Variants in PDE1C observed in about 807,000 individuals in gnomAD.
PDE1C encodes the protein dual specificity calcium/calmodulin-dependent 3',5'-cyclic nucleotide phosphodiesterase 1C.
Under a neutral mutation model 93.1 loss-of-function variants are expected in PDE1C, and 62 were observed. The observed-to-expected ratio is 0.67, with a 90% CI of 0.54 to 0.82. The LOEUF (loss-of-function observed/expected upper bound fraction) is 0.82, where lower values mean the gene tolerates loss of function less well. Among genes scored for constraint, PDE1C ranks in the 40% least tolerant of loss-of-function variants. The pLI is 0.00. For missense variants in PDE1C, 742 were observed against 884.6 expected, an observed-to-expected ratio of 0.84 and a Z score of 2.04; for synonymous variants, 325 against 310.1, an observed-to-expected ratio of 1.05 and a Z score of -0.50.
chr7:31,619,563 G>A, the PDE1C span, among the ~76,000 whole-genome samples: 10 of 151,698 alleles, frequency 6.6e-5, no homozygotes, highest in Non-Finnish European at 8.8e-5. Context: ...TCTATGCTGA[G>A]GAAATCAATG....
chr7:32,413,197 C>A (rs1470533757), intron 1 of PDE1C, among the ~76,000 whole-genome samples: 1 of 152,032 alleles, frequency 6.6e-6, no homozygotes, highest in Non-Finnish European at 1.5e-5. Flanking sequence ...ATGACACCTG[C>A]AACTTAATTT....
At chr7:32,226,569 C>G (rs897780638) in intron 1 of PDE1C, among the ~76,000 whole-genome samples, 1 of 152,094 alleles carries the variant, frequency 6.6e-6, no homozygotes, top group African/African-American at 2.4e-5. Context: ...GAGGGGGGCC[C>G]CTGATGAGGG....
chr7:31,648,340 GAAGAAA>G, the PDE1C span, among the ~76,000 whole-genome samples: 1 of 152,034 alleles, frequency 6.6e-6, no homozygotes, highest in African/African-American at 2.4e-5. Context: ...AAAAGAAGAA[GAAGAAA>G]AAGAAGAAAT....
intron 17 of PDE1C, among the ~76,000 whole-genome samples, chr7:31,768,149 A>G (rs1795255467): frequency 6.6e-6 from 1 of 152,200 alleles, no homozygotes; most frequent in Admixed American, 6.5e-5. Flanking sequence ...TGGTCCTAAG[A>G]CTAACCTTTG....
chr7:31,685,881 T>C, the PDE1C span, among the ~76,000 whole-genome samples: 2 of 152,114 alleles, frequency 1.3e-5, no homozygotes, highest in Non-Finnish European at 2.9e-5. Flanking sequence ...CAACACAAAA[T>C]GGAACAGGCA....
chr7:31,758,753 C>T (rs1182761643), intron 17 of PDE1C, among the ~76,000 whole-genome samples: 1 of 152,078 alleles, frequency 6.6e-6, no homozygotes, highest in Non-Finnish European at 1.5e-5. Context: ...GAAATTATGG[C>T]ATCAAATTGC....
intron 17 of PDE1C, among the ~76,000 whole-genome samples, chr7:31,760,660 A>C (rs1583959658): frequency 6.6e-6 from 1 of 152,078 alleles, no homozygotes; most frequent in Non-Finnish European, 1.5e-5. Flanking sequence ...AAACAAAAAT[A>C]AGTGTTGGAT....
upstream of PDE1C, among the ~76,000 whole-genome samples, chr7:32,299,886 G>A (rs1308248955): frequency 1.3e-5 from 2 of 152,124 alleles, no homozygotes; most frequent in Admixed American, 6.5e-5. Flanking sequence ...AAGAGTCCAC[G>A]GTATAACAAT....
intron 5 of PDE1C, among the ~76,000 whole-genome samples, chr7:31,874,179 T>A (rs1796269800): frequency 6.6e-6 from 1 of 152,228 alleles, no homozygotes; most frequent in South Asian, 2.1e-4. Context: ...AAAACTAAAC[T>A]GAACACACAC....
chr7:31,712,408 C>T, the PDE1C span, among the ~76,000 whole-genome samples: 378 of 152,340 alleles, frequency 2.5e-3, 1 homozygote, highest in Non-Finnish European at 4.6e-3. Context: ...ACTAGATAGT[C>T]GCTATGGAGC....
the PDE1C span, chr7:31,643,364 C>T: frequency 1.2e-6 from 2 of 1,613,994 alleles, no homozygotes; most frequent in Non-Finnish European, 1.7e-6. Context: ...AAGCTCATTC[C>T]CCACCTCCAT....
Position 32,298,856 on chromosome 7 carries a change from ACT to A in PDE1C, c.-123_-122del, listed in dbSNP as rs1299599052. 9 of 1,392,632 alleles carry A rather than the reference ACT, an allele frequency of 6.5e-6. No individual in the cohort carries two copies. The African/African-American group carries it at 1.4e-4, about 21-fold the overall frequency. 86.3% of individuals were successfully genotyped at this position (1,392,632 alleles called of 1,614,324 possible). A position where few individuals can be genotyped will look rare whatever the true frequency, so the allele number is the denominator to read the frequency against. On this transcript the variant is annotated 5_prime_UTR_variant, in exon 1 of 19. Coordinates refer to the PDE1C transcript ENST00000396193. ...CCTCCCCCGGCCGCGCCGCGCTGTC[ACT>A]CTCAGCCCCGCCGCGCGCTGGCAGC...
chr7:31,896,020 T>C (rs111452961), intron 2 of PDE1C, among the ~76,000 whole-genome samples: 48 of 151,382 alleles, frequency 3.2e-4, no homozygotes, highest in African/African-American at 1.2e-3. Context: ...CATACATACA[T>C]ACACACACAA....
intron 1 of PDE1C, among the ~76,000 whole-genome samples, chr7:32,293,454 G>C (rs986185448): frequency 6.6e-6 from 1 of 152,136 alleles, no homozygotes; most frequent in African/African-American, 2.4e-5. Flanking sequence ...GGCATACACC[G>C]GTTTTAACCA....
At chr7:32,058,143 C>T (rs1325075217) in intron 1 of PDE1C, among the ~76,000 whole-genome samples, 1 of 152,222 alleles carries the variant, frequency 6.6e-6, no homozygotes, top group African/African-American at 2.4e-5. Flanking sequence ...ACTGCATACA[C>T]ACAATGCAAA....
intron 2 of PDE1C, among the ~76,000 whole-genome samples, chr7:31,992,560 T>C (rs1171975051): frequency 2.0e-5 from 3 of 152,126 alleles, no homozygotes; most frequent in African/African-American, 7.2e-5. Context: ...TCATGTTGCA[T>C]CCATAGGCTG....
the PDE1C span, among the ~76,000 whole-genome samples, chr7:31,717,387 C>A: frequency 2.0e-5 from 3 of 152,136 alleles, no homozygotes; most frequent in Non-Finnish European, 4.4e-5. Flanking sequence ...ATTTAACAGT[C>A]CCAAAATACC....
chr7:32,184,472 A>T (rs1803699652), intron 2 of PDE1C, among the ~76,000 whole-genome samples: 1 of 152,194 alleles, frequency 6.6e-6, no homozygotes, highest in Non-Finnish European at 1.5e-5. Context: ...ATGCAGCCAT[A>T]AAAAAGGATG....
rs1231777861 is a variant in PDE1C, at chr7:31,815,954, C to T, written c.1783G>A (p.Glu595Lys). 7.4e-6 allele frequency: 12 copies of T among 1,613,610 alleles called. No individual in the cohort carries two copies. The highest frequency in any genetic ancestry group is 4.5e-5 in the East Asian group (2 of 44,874). ...DNPRGKNSKA[E>K]KSSGEQQQNG... is the part of the protein sequence containing the mutation. Reference sequence around the variant, plus strand: ...TGTTGCTGTTCTCCTGATGACTTCTCGGCTTTGGAGTTTTTCCCACGAGGG... The same window carrying T: ...TGTTGCTGTTCTCCTGATGACTTCTTGGCTTTGGAGTTTTTCCCACGAGGG... Residue 595 changes from glutamate (E) to lysine (K), a missense_variant, in exon 15 of 18, where the codon GAG becomes AAG. Transcript: ENST00000396191.
Sources: gnomAD v4.1 joint callset for allele counts (sites outside exome capture counted in the v4.1 genomes callset) on GRCh38, gnomAD v4.1.1 for gene constraint, MANE v1.5 for transcripts, NCBI Gene and HGNC (gene_info 2026-07-23, HGNC 2026-07-21) for gene names.